The following DNAI4 variants were observed in gnomAD, a reference collection of about 807,000 sequenced individuals.
The protein encoded by DNAI4 is dynein axonemal intermediate chain 4, also known as WD repeat domain 78.
Under a neutral mutation model 105.8 loss-of-function variants are expected in DNAI4, and 85 were observed. That is an observed-to-expected ratio of 0.80 (90% confidence interval 0.67 to 0.96). The LOEUF is 0.96. DNAI4 is among the 40% of genes least tolerant of loss of function. The pLI is 0.00. For synonymous variants in DNAI4, 352 were observed against 331.5 expected (o/e 1.06, Z -0.67); for missense variants, 1,014 against 1,005.6 (o/e 1.01, Z -0.11).
chr1:66,892,332 G>A (rs1248408237), intron 3 of DNAI4, among the ~76,000 whole-genome samples: 1 of 152,142 alleles, frequency 6.6e-6, no homozygotes, highest in South Asian at 2.1e-4. Context: ...CAAACTCTAG[G>A]AGAACAGAGA....
intron 3 of DNAI4, among the ~76,000 whole-genome samples, chr1:66,893,024 A>G (rs1259771384): frequency 2.1e-5 from 3 of 142,254 alleles, no homozygotes; most frequent in African/African-American, 5.5e-5. Flanking sequence ...GAAAGAAAGA[A>G]AGAAAGAGAG....
chr1:66,823,851 T>A lies in DNAI4; in HGVS notation c.2340-1334A>T, dbSNP rs969283761. Reference sequence around the variant, plus strand: ...TAGGTTGTGAAAATTTTCTCCCATTTTGTAGGTTGTCTGTTCACTCTGATG... The same window carrying A: ...TAGGTTGTGAAAATTTTCTCCCATTATGTAGGTTGTCTGTTCACTCTGATG... On this transcript the variant is annotated intron_variant, in intron 15 of 16. Coordinates refer to ENST00000371026, the MANE Select transcript of DNAI4 (RefSeq NM_024763.5). Among the ~76,000 whole-genome samples the A allele has an allele frequency of 7.3e-3, 1,110 of 151,214 alleles. 9 individuals are homozygous for A. The highest frequency in any genetic ancestry group is 0.026 in the African/African-American group (1,063 of 41,240).
Position 66,836,252 on chromosome 1 carries a change from GAGAGAAAGAA to G in DNAI4, c.1582-485_1582-476del, listed in dbSNP as rs1180416781. Among the ~76,000 whole-genome samples, 154 of 111,708 alleles carry G rather than the reference GAGAGAAAGAA, an allele frequency of 1.4e-3. 4 individuals are homozygous for G. The highest frequency in any genetic ancestry group is 1.6e-3 in the Non-Finnish European group (82 of 52,568). The allele number at this position is 111,708 out of a possible 152,430, so 73.3% of individuals were successfully genotyped here. A position where few individuals can be genotyped will look rare whatever the true frequency, so the allele number is the denominator to read the frequency against. On this transcript the variant is annotated intron_variant, in intron 10 of 16. Transcript: ENST00000371026. ...AGAGAGAGAAAGAAAGAAAGAGAGA[GAGAGAAAGAA>G]AGAAAGAAAGAAAGAAAGAAAGAAA...
intron 10 of DNAI4, among the ~76,000 whole-genome samples, chr1:66,836,308 GAA>G (rs774510305): frequency 1.5e-3 from 218 of 149,690 alleles, no homozygotes; most frequent in Middle Eastern, 0.014. Context: ...AAGAAAGAAA[GAA>G]AGAAAGAAAG....
chr1:66,907,674 A>G (rs1434935847), intron 1 of DNAI4, among the ~76,000 whole-genome samples: 1 of 152,130 alleles, frequency 6.6e-6, no homozygotes, highest in African/African-American at 2.4e-5. Context: ...CTCTATCTCT[A>G]ATAGCTACTT....
chr1:66,875,332 G>A (rs114831989), intron 4 of DNAI4, among the ~76,000 whole-genome samples: 2,467 of 152,178 alleles, frequency 0.016, 32 homozygotes, highest in South Asian at 0.054. Context: ...CTTCTAATTC[G>A]TTGCTTTAGC....
rs748526623 is a variant in DNAI4 at position 66,874,786 on chromosome 1, T to C, written c.795A>G (p.Lys265=). ...GACAACTGAACCATACATACGTTAC[T>C]TTCTCAGCTTCTTCAGATTCTACAG... ...MVSVESEEAE[K]VTQRNKNYEV... Residue 265 remains lysine, a synonymous_variant, in exon 5 of 17, where the codon AAA becomes AAG. Coordinates refer to ENST00000371026, the MANE Select transcript of DNAI4 (RefSeq NM_024763.5). 4.0e-5 allele frequency: 64 copies of C among 1,605,828 alleles called. No homozygotes were observed. The highest frequency in any genetic ancestry group is 2.5e-6 in the Non-Finnish European group (3 of 1,177,896).
intron 2 of DNAI4, among the ~76,000 whole-genome samples, chr1:66,903,499 T>A (rs1440557849): frequency 1.3e-5 from 2 of 152,010 alleles, no homozygotes; most frequent in African/African-American, 4.8e-5. Flanking sequence ...CTGGGTGCCT[T>A]TTATTTATTT....
At chr1:66,818,144 G>C (rs2100299996) in intron 16 of DNAI4, among the ~76,000 whole-genome samples, 1 of 151,816 alleles carries the variant, frequency 6.6e-6, no homozygotes, top group East Asian at 1.9e-4. Flanking sequence ...TGCCATATTG[G>C]AATGTCTAAC....
At chr1:66,859,291 A>T (rs940625021) in intron 7 of DNAI4, among the ~76,000 whole-genome samples, 2 of 152,190 alleles carry the variant, frequency 1.3e-5, no homozygotes, top group Non-Finnish European at 2.9e-5. Flanking sequence ...CAATCCAAAA[A>T]AACTAAAAAT....
chr1:66,837,364 C>CAAAAAA (rs529364212), intron 10 of DNAI4, among the ~76,000 whole-genome samples: 3 of 82,532 alleles, frequency 3.6e-5, no homozygotes, highest in African/African-American at 8.9e-5. Flanking sequence ...GACTCTGTCT[C>CAAAAAA]AAAAAAAAAA....
intron 4 of DNAI4, among the ~76,000 whole-genome samples, chr1:66,881,270 C>T (rs1324117869): frequency 6.6e-6 from 1 of 152,190 alleles, no homozygotes; most frequent in African/African-American, 2.4e-5. Flanking sequence ...AGAAGAGGAC[C>T]ACCATCCTCC....
intron 7 of DNAI4, among the ~76,000 whole-genome samples, chr1:66,853,866 A>G (rs1216267738): frequency 6.6e-6 from 1 of 152,240 alleles, no homozygotes; most frequent in Non-Finnish European, 1.5e-5. Context: ...AAGTTCTAGC[A>G]GAGCAATAAA....
chr1:66,875,887 A>G (rs1490946701), intron 4 of DNAI4, among the ~76,000 whole-genome samples: 3 of 152,174 alleles, frequency 2.0e-5, no homozygotes, highest in African/African-American at 4.8e-5. Context: ...ACTAATAAAT[A>G]GTAAGTAATG....
chr1:66,834,643 C>T (rs1645942824), intron 11 of DNAI4, among the ~76,000 whole-genome samples: 1 of 152,068 alleles, frequency 6.6e-6, no homozygotes, highest in Admixed American at 6.5e-5. Flanking sequence ...TGGTTTGACT[C>T]TCTCTATGGA....
chr1:66,851,528 CA>C (rs929452556), intron 7 of DNAI4, among the ~76,000 whole-genome samples: 3 of 151,564 alleles, frequency 2.0e-5, no homozygotes, highest in African/African-American at 2.4e-5. Context: ...CAAACCTTGA[CA>C]AATTTAAAAG....
At chr1:66,825,626 G>A (rs1348284502) in intron 15 of DNAI4, among the ~76,000 whole-genome samples, 1 of 152,178 alleles carries the variant, frequency 6.6e-6, no homozygotes, top group East Asian at 1.9e-4. Flanking sequence ...TAGCAAGTTT[G>A]CATACTTCTT....
chr1:66,893,055 G>GAAAGAAAGAAAGAAAGAAAGAAAGAA (rs1226481232), intron 3 of DNAI4, among the ~76,000 whole-genome samples, 174 bp downstream of exon 3: 3 of 80,768 alleles, frequency 3.7e-5, no homozygotes, highest in Admixed American at 1.2e-4. Flanking sequence ...AAGAAAGAAA[G>GAAAGAAAGAAAGAAAGAAAGAAAGAA]AGAGAGAGAG....
At chr1:66,910,604 G>A (rs1229362024) in intron 1 of DNAI4, among the ~76,000 whole-genome samples, 6 of 152,214 alleles carry the variant, frequency 3.9e-5, no homozygotes, top group South Asian at 2.1e-4. Flanking sequence ...AACAACAGGC[G>A]CAGCCCCTGT....
Sources: gnomAD v4.1 joint callset for allele counts (sites outside exome capture counted in the v4.1 genomes callset) on GRCh38, gnomAD v4.1.1 for gene constraint, MANE v1.5 for transcripts, NCBI Gene and HGNC (gene_info 2026-07-23, HGNC 2026-07-21) for gene names.